MAP3K21: variants seen among roughly 807,000 people sequenced by gnomAD.
The protein encoded by MAP3K21 is mitogen-activated protein kinase kinase kinase MLK4.
Under a neutral mutation model 86.1 loss-of-function variants are expected in MAP3K21, and 63 were observed. The ratio of observed to expected loss-of-function variants is 0.73; its 90% CI spans 0.60 to 0.90. The LOEUF is 0.90. Among genes scored for constraint, MAP3K21 ranks in the 40% least tolerant of loss-of-function variants. MAP3K21 has a pLI of 0.00. For synonymous variants in MAP3K21, 558 were observed against 564.8 expected, an observed-to-expected ratio of 0.99 and a Z score of 0.17; for missense variants, 1,220 against 1,367.7, an observed-to-expected ratio of 0.89 and a Z score of 1.70.
At chr1:233,329,509 C>T (rs921077731) in intron 1 of MAP3K21, among the ~76,000 whole-genome samples, 1 of 152,118 alleles carries the variant, frequency 6.6e-6, no homozygotes, top group Non-Finnish European at 1.5e-5. Context: ...CAAAAATTAG[C>T]CCGGCGTAGT....
Position 233,327,817 on chromosome 1 carries a change from C to T in MAP3K21, c.-212C>T. ...GGACGTCGCCCGCGGCTTCGGGGAC[C>T]GCTGCGGCAGCAGAGGCGGCTGGCC... On this transcript the variant is annotated 5_prime_UTR_variant, in exon 1 of 10. Transcript: ENST00000366624. 1 of 363,946 alleles carries T rather than the reference C, an allele frequency of 2.7e-6. No individual in the cohort carries two copies. The highest frequency in any genetic ancestry group is 4.3e-5 in the East Asian group (1 of 23,192). 22.5% of individuals were successfully genotyped at this position (363,946 alleles called of 1,614,324 possible).
rs148529890 is a variant in MAP3K21, at chr1:233,370,524, T to C, written c.1553-1514T>C. ...TATTCAGATTTCTAGTATGAATAAT[T>C]GGATAGCTGTCCTTGCCTACCAACT... is the stretch of plus-strand genomic sequence containing the variant. On this transcript the variant is annotated intron_variant, in intron 5 of 9. Coordinates refer to ENST00000366624, the MANE Select transcript of MAP3K21 (RefSeq NM_032435.3). Among the ~76,000 whole-genome samples, 632 of 152,346 alleles carry C rather than the reference T, an allele frequency of 4.1e-3. 4 individuals are homozygous for C. The highest frequency in any genetic ancestry group is 0.014 in the African/African-American group (583 of 41,582).
Position 233,363,110 on chromosome 1 carries a change from G to A in MAP3K21, c.1552+817G>A, listed in dbSNP as rs531521893. The stretch of plus-strand genomic sequence containing the variant: ...AGTACCAGAGCAGGATGATGACAGA[G>A]CAATGCAGACTTCACTTTTATAGAA... On this transcript the variant is annotated intron_variant, in intron 5 of 9. Transcript: ENST00000366624. Among the ~76,000 whole-genome samples, 25 of 152,248 alleles carry A rather than the reference G, an allele frequency of 1.6e-4. 1 individual carries two copies. In the South Asian group the frequency reaches 4.6e-3, roughly 28 times the overall value.
rs373750664 is a variant in MAP3K21, at chr1:233,353,837, C to G, written c.1017C>G (p.Thr339=). The G allele has an allele frequency of 1.2e-6, 2 of 1,607,790 alleles. No homozygotes were observed. The highest frequency in any genetic ancestry group is 2.7e-5 in the African/African-American group (2 of 74,586). Residue 339 remains threonine, a synonymous_variant, in exon 3 of 10, where the codon ACC becomes ACG. Transcript: ENST00000366624. ...SYGVLLWELL[T]GEVPYRGIDG... is the part of the protein sequence containing the mutation. ...GAGTGCTGCTGTGGGAACTGCTCAC[C>G]GGAGAAGTCCCCTATCGGGGCATTG...
Position 233,328,433 on chromosome 1 carries a change from C to T in MAP3K21, c.405C>T (p.Phe135=), listed in dbSNP as rs868116055. ...AGGAGCTCATCGGCGCTGGGGGCTTCGGGCAGGTGTACCGCGCCACCTGGC... is the reference window on the plus strand; with the variant it reads ...AGGAGCTCATCGGCGCTGGGGGCTTTGGGCAGGTGTACCGCGCCACCTGGC... ...ELKELIGAGG[F]GQVYRATWQG... is the part of the protein sequence containing the mutation. The change falls in exon 1 of 10, where the codon TTC becomes TTT. Residue 135 remains phenylalanine, a synonymous_variant. Coordinates refer to ENST00000366624, the MANE Select transcript of MAP3K21 (RefSeq NM_032435.3). The surrounding 1 kb of genome is among the most constrained non-coding windows in gnomAD (Gnocchi z 8.7). The T allele has an allele frequency of 3.3e-6, 5 of 1,494,870 alleles. No homozygotes were observed. The highest frequency in any genetic ancestry group is 4.4e-5 in the Admixed American group (2 of 45,692). 92.6% of individuals were successfully genotyped at this position (1,494,870 alleles called of 1,614,324 possible).
chr1:233,348,437 TAACA>T (rs1663189424), intron 2 of MAP3K21, among the ~76,000 whole-genome samples: 1 of 152,234 alleles, frequency 6.6e-6, no homozygotes, highest in Non-Finnish European at 1.5e-5. Context: ...ATAGAACTGA[TAACA>T]AACATTCCTG....
rs2102771820 is a variant in MAP3K21 at position 233,384,550 on chromosome 1, A to G, written c.*1839A>G. ...TGTGTTCAGTCCTTTTGGAACACGTAGCTTCCAGCTTAAGGGTAGAGAAAT... is the reference window on the plus strand; with the variant it reads ...TGTGTTCAGTCCTTTTGGAACACGTGGCTTCCAGCTTAAGGGTAGAGAAAT... On this transcript the variant is annotated 3_prime_UTR_variant, in exon 10 of 10. Transcript: ENST00000366624. The G allele has an allele frequency of 7.7e-6, 1 of 129,790 alleles. No individual in the cohort carries two copies. Among genetic ancestry groups the G allele is most frequent in the East Asian group, 2.3e-4 (1 of 4,318 alleles). 8.0% of individuals were successfully genotyped at this position (129,790 alleles called of 1,614,324 possible). A position where few individuals can be genotyped will look rare whatever the true frequency, so the allele number is the denominator to read the frequency against.
In MAP3K21 at chr1:233,328,478, G is replaced by A; in HGVS notation, c.450G>A (p.Val150=). 3 of 1,505,280 alleles carry A rather than the reference G, an allele frequency of 2.0e-6. No homozygotes were observed. The highest frequency in any genetic ancestry group is 2.1e-5 in the Admixed American group (1 of 47,062). The allele number at this position is 1,505,280 out of a possible 1,614,324, so 93.2% of individuals were successfully genotyped here. A position where few individuals can be genotyped will look rare whatever the true frequency, so the allele number is the denominator to read the frequency against. Reference sequence around the variant, plus strand: ...CCTGGCAGGGCCAGGAGGTGGCCGTGAAGGCGGCGCGCCAGGACCCGGAGC... The same window carrying A: ...CCTGGCAGGGCCAGGAGGTGGCCGTAAAGGCGGCGCGCCAGGACCCGGAGC... ...RATWQGQEVA[V]KAARQDPEQD... is the part of the protein sequence containing the mutation. Residue 150 remains valine, a synonymous_variant, in exon 1 of 10, where the codon GTG becomes GTA. Coordinates refer to ENST00000366624, the MANE Select transcript of MAP3K21 (RefSeq NM_032435.3). The surrounding 1 kb of genome is among the most constrained non-coding windows in gnomAD (Gnocchi z 8.7).
chr1:233,328,157 G>T lies in MAP3K21; in HGVS notation c.129G>T (p.Trp43Cys). The part of the protein sequence containing the change: ...GGSASAGAGL[W>C]AALYDYEARG... ...CGGCCTCGGCGGGCGCGGGGCTGTG[G>T]GCCGCGCTCTATGACTACGAGGCTC... Residue 43 changes from tryptophan (W) to cysteine (C), a missense_variant, in exon 1 of 10, where the codon TGG becomes TGT. By Grantham distance (215) the Trp-to-Cys change is radical (BLOSUM62 -2). This residue lies in a region of MAP3K21 where 369 missense variants were observed against 385.3 expected (regional missense o/e 0.96). Transcript: ENST00000366624. The surrounding 1 kb of genome is among the most constrained non-coding windows in gnomAD (Gnocchi z 8.7). 1 of 1,457,178 alleles carries T rather than the reference G, an allele frequency of 6.9e-7. No homozygotes were observed. Among genetic ancestry groups the T allele is most frequent in the Non-Finnish European group, 9.0e-7 (1 of 1,111,168 alleles). The allele number at this position is 1,457,178 out of a possible 1,614,324, so 90.3% of individuals were successfully genotyped here.
chr1:233,372,019 C>T lies in MAP3K21; in HGVS notation c.1553-19C>T, dbSNP rs1663693722. 6.2e-7 allele frequency: 1 copy of T among 1,607,516 alleles called. No individual in the cohort carries two copies. Among genetic ancestry groups the T allele is most frequent in the Admixed American group, 1.7e-5 (1 of 59,270 alleles). On this transcript the variant is annotated intron_variant, in intron 5 of 9. Coordinates refer to ENST00000366624, the MANE Select transcript of MAP3K21 (RefSeq NM_032435.3). ...AGGAAAACCATGAAATACCAGTTCT[C>T]CCTTTTTGCCTCCAACAGATTTCCA...
At chr1:233,368,968 A>G (rs1572254084) in intron 5 of MAP3K21, among the ~76,000 whole-genome samples, 1 of 152,326 alleles carries the variant, frequency 6.6e-6, no homozygotes, top group East Asian at 1.9e-4. Context: ...GCACTGTGCC[A>G]GTCTGAAGTC....
chr1:233,363,451 A>ACTTTGGTT (rs1222602350), intron 5 of MAP3K21, among the ~76,000 whole-genome samples: 3 of 152,128 alleles, frequency 2.0e-5, no homozygotes, highest in Non-Finnish European at 4.4e-5. Context: ...TAATCGCGGC[A>ACTTTGGTT]CTTTGGTTAG....
intron 7 of MAP3K21, 43 bp from the exon 8 acceptor site, chr1:233,376,387 T>G: frequency 7.3e-7 from 1 of 1,367,828 alleles, no homozygotes; most frequent in East Asian, 2.3e-5. Flanking sequence ...ATTGGTGTGT[T>G]GTGTGCTTCT....
Position 233,327,811 on chromosome 1 carries a change from G to C in MAP3K21, c.-218G>C. The C allele has an allele frequency of 5.6e-6, 2 of 357,474 alleles. No homozygotes were observed. Among genetic ancestry groups the C allele is most frequent in the Non-Finnish European group, 9.8e-6 (2 of 203,742 alleles). 22.1% of individuals were successfully genotyped at this position (357,474 alleles called of 1,614,324 possible). A position where few individuals can be genotyped will look rare whatever the true frequency, so the allele number is the denominator to read the frequency against. Reference sequence around the variant, plus strand: ...ATGGTGGGACGTCGCCCGCGGCTTCGGGGACCGCTGCGGCAGCAGAGGCGG... The same window carrying C: ...ATGGTGGGACGTCGCCCGCGGCTTCCGGGACCGCTGCGGCAGCAGAGGCGG... On this transcript the variant is annotated 5_prime_UTR_variant, in exon 1 of 10. Transcript: ENST00000366624.
rs1223732721 is a variant in MAP3K21 at position 233,354,902 on chromosome 1, T to G, written c.1202T>G (p.Ile401Ser). The change falls in exon 4 of 10, where the codon ATT becomes AGT. Residue 401 changes from isoleucine to serine, a missense_variant. By Grantham distance (142) the Ile-to-Ser change is moderately radical. Around this residue, in one of 5 missense-constraint regions of MAP3K21, gnomAD observed 126 missense variants for 127.7 expected, o/e 0.99. Coordinates refer to ENST00000366624, the MANE Select transcript of MAP3K21 (RefSeq NM_032435.3). Reference sequence around the variant, plus strand: ...TTAATTCTCGAACAGTTGACTGCTATTGAAGGGGCAGTGATGACTGAGATG... The same window carrying G: ...TTAATTCTCGAACAGTTGACTGCTAGTGAAGGGGCAGTGATGACTGAGATG... The part of the protein sequence containing the change: ...FALILEQLTA[I>S]EGAVMTEMPQ... 1 of 1,613,792 alleles carries G rather than the reference T, an allele frequency of 6.2e-7. No individual in the cohort carries two copies. The highest frequency in any genetic ancestry group is 1.7e-5 in the Admixed American group (1 of 60,016).
rs1160670339 is a variant in MAP3K21 at position 233,382,444 on chromosome 1, C to T, written c.2844C>T (p.Ala948=). The change falls in exon 10 of 10, where the codon GCC becomes GCT. Residue 948 remains alanine (A), a synonymous_variant. Transcript: ENST00000366624. ...ACATCGTGCCTCAGCGTCGCCCTGC[C>T]TCCCTGAGAAGCCGCTCAGATCTGC... The part of the protein sequence containing the change: ...TVHIVPQRRP[A]SLRSRSDLPQ... The T allele has an allele frequency of 4.3e-6, 7 of 1,614,162 alleles. No individual in the cohort carries two copies. The highest frequency in any genetic ancestry group is 2.7e-5 in the African/African-American group (2 of 75,030).
rs545956903 is a variant in MAP3K21 at position 233,341,426 on chromosome 1, A to G, written c.806-5016A>G. Among the ~76,000 whole-genome samples, 4 of 152,292 alleles carry G rather than the reference A, an allele frequency of 2.6e-5. No individual in the cohort carries two copies. The South Asian group carries it at 8.3e-4, about 32-fold the overall frequency. On this transcript the variant is annotated intron_variant, in intron 1 of 9. Transcript: ENST00000366624. The stretch of plus-strand genomic sequence containing the variant: ...TGAACACCTCTGAGATGGAATCCAA[A>G]ACAATGGGCTTTTCATGGTACCCTA...
Position 233,328,385 on chromosome 1 carries a change from C to T in MAP3K21, c.357C>T (p.Val119=). The change falls in exon 1 of 10, where the codon GTC becomes GTT. Residue 119 remains valine, a synonymous_variant. Coordinates refer to ENST00000366624, the MANE Select transcript of MAP3K21 (RefSeq NM_032435.3). This position sits in a 1 kb window ranked among gnomAD's most constrained non-coding sequence, Gnocchi z 8.7. ...PPSRPSSPVH[V]AFERLELKEL... is the part of the protein sequence containing the mutation. ...CGCGGCCCAGCTCCCCGGTACACGTCGCCTTCGAGCGGCTGGAGCTGAAGG... is the reference window on the plus strand; with the variant it reads ...CGCGGCCCAGCTCCCCGGTACACGTTGCCTTCGAGCGGCTGGAGCTGAAGG... 1.3e-6 allele frequency: 2 copies of T among 1,485,848 alleles called. No individual in the cohort carries two copies. Among genetic ancestry groups the T allele is most frequent in the South Asian group, 1.3e-5 (1 of 79,092 alleles). The allele number at this position is 1,485,848 out of a possible 1,614,324, so 92.0% of individuals were successfully genotyped here. A position where few individuals can be genotyped will look rare whatever the true frequency, so the allele number is the denominator to read the frequency against.
chr1:233,338,051 A>G (rs1366017291), intron 1 of MAP3K21, among the ~76,000 whole-genome samples: 2 of 152,226 alleles, frequency 1.3e-5, no homozygotes, highest in Non-Finnish European at 2.9e-5. Context: ...AGTATGCTTT[A>G]TTATGTACCT....
Sources: gnomAD v4.1 joint callset for allele counts (sites outside exome capture counted in the v4.1 genomes callset) on GRCh38, gnomAD v4.1.1 for gene constraint, gnomAD v4.1.1 regional missense constraint, Gnocchi (gnomAD v3.1) non-coding constraint, MANE v1.5 for transcripts, NCBI Gene and HGNC (gene_info 2026-07-23, HGNC 2026-07-21) for gene names.